Variants in IL1RAPL1 observed in about 807,000 individuals in gnomAD.
IL1RAPL1 encodes the protein interleukin 1 receptor accessory protein like 1.
In IL1RAPL1, 3 loss-of-function variants were observed where a neutral mutation model predicts 48.4. The ratio of observed to expected loss-of-function variants is 0.06; its 90% CI spans 0.03 to 0.16. The LOEUF is 0.16. Among genes scored for constraint, IL1RAPL1 ranks in the 10% least tolerant of loss-of-function variants. The probability of loss-of-function intolerance (pLI) is 1.00; values close to 1 mark genes in which losing one functional copy is unlikely to be tolerated. For missense variants in IL1RAPL1, 349 were observed against 530.6 expected, an observed-to-expected ratio of 0.66 and a Z score of 3.36; for synonymous variants, 185 against 187.7, an observed-to-expected ratio of 0.99 and a Z score of 0.12.
At chrX:29,712,916 T>C (rs1337788357) in intron 6 of IL1RAPL1, among the ~76,000 whole-genome samples, 1 of 111,995 alleles carries the variant, frequency 8.9e-6, no homozygotes, top group East Asian at 2.8e-4. Flanking sequence ...AGTTGTTATA[T>C]ATGGGACCAA....
chrX:29,823,832 T>A (rs986461856), intron 6 of IL1RAPL1, among the ~76,000 whole-genome samples: 5 of 111,885 alleles, frequency 4.5e-5, no homozygotes, highest in Admixed American at 2.8e-4. Flanking sequence ...TGCTGTTATT[T>A]AAGCTCCCTA....
intron 2 of IL1RAPL1, among the ~76,000 whole-genome samples, chrX:28,952,960 A>G (rs1168088929): frequency 8.9e-6 from 1 of 111,741 alleles, no homozygotes; most frequent in Admixed American, 9.6e-5. Context: ...TTACACATTA[A>G]TGAAAGTCCA....
chrX:29,319,516 TTGTATGTATGTATGTATGTA>T (rs752096218), intron 3 of IL1RAPL1, among the ~76,000 whole-genome samples: 2 of 91,178 alleles, frequency 2.2e-5, no homozygotes, highest in Non-Finnish European at 4.2e-5. Context: ...ATGTGATATT[TTGTATGTATGTATGTATGTA>T]TGTATGTATG....
At chrX:29,909,753 G>C (rs1001651049) in intron 6 of IL1RAPL1, among the ~76,000 whole-genome samples, 4 of 111,620 alleles carry the variant, frequency 3.6e-5, no homozygotes, top group African/African-American at 1.3e-4. Context: ...TGATTAAAAA[G>C]TCAAAACATA....
chrX:29,233,841 C>G (rs1407760091), intron 2 of IL1RAPL1, among the ~76,000 whole-genome samples: 5 of 112,663 alleles, frequency 4.4e-5, no homozygotes, highest in Admixed American at 9.4e-5. Context: ...GAACTGGGCT[C>G]TTCCTGAAGA....
In IL1RAPL1 at chrX:29,586,820, C is replaced by G. The variant is rs757051056; in HGVS notation, c.704-81610C>G. 6.3e-4 allele frequency among the ~76,000 whole-genome samples: 70 copies of G among 110,610 alleles called. 1 individual carries two copies. Among genetic ancestry groups the G allele is most frequent in the South Asian group, 3.0e-3 (8 of 2,646 alleles). ...GTAAATGGGATTATTTTATTAATTT[C>G]TTCTTTAGATATTTTGTTTGTTAGT... On this transcript the variant is annotated intron_variant, in intron 5 of 10. Coordinates refer to ENST00000378993, the MANE Select transcript of IL1RAPL1 (RefSeq NM_014271.4).
intron 2 of IL1RAPL1, among the ~76,000 whole-genome samples, chrX:29,023,394 G>T (rs1361411734): frequency 1.8e-5 from 2 of 112,311 alleles, no homozygotes; most frequent in Non-Finnish European, 3.8e-5. Flanking sequence ...AGCAAGACAG[G>T]CACTGACAAT....
intron 2 of IL1RAPL1, among the ~76,000 whole-genome samples, chrX:29,025,409 C>T (rs1490388821): frequency 9.0e-6 from 1 of 111,690 alleles, no homozygotes; most frequent in Non-Finnish European, 1.9e-5. Context: ...CCTAGCTTAG[C>T]CTGTGAATGT....
At chrX:29,922,489 T>C (rs899629844) in intron 8 of IL1RAPL1, among the ~76,000 whole-genome samples, 2 of 111,988 alleles carry the variant, frequency 1.8e-5, no homozygotes, top group Admixed American at 1.9e-4. Flanking sequence ...TATGCCTTCC[T>C]TTTAAGGGAG....
At chrX:29,140,373 C>T (rs914764655) in intron 2 of IL1RAPL1, among the ~76,000 whole-genome samples, 1 of 112,000 alleles carries the variant, frequency 8.9e-6, no homozygotes, top group African/African-American at 3.2e-5. Flanking sequence ...ATCTACGATA[C>T]AGATGATACC....
intron 6 of IL1RAPL1, among the ~76,000 whole-genome samples, chrX:29,696,789 C>T (rs1474760645): frequency 2.9e-5 from 3 of 104,380 alleles, no homozygotes; most frequent in African/African-American, 1.0e-4. Flanking sequence ...TAACAATCGC[C>T]TTTTTTTTTT....
chrX:28,628,833 C>G, intron 1 of IL1RAPL1, among the ~76,000 whole-genome samples: 1 of 112,022 alleles, frequency 8.9e-6, no homozygotes. Context: ...CAGTTCCTTA[C>G]GGTTGACGGG....
intron 8 of IL1RAPL1, among the ~76,000 whole-genome samples, chrX:29,925,713 A>C (rs1243403539): frequency 9.3e-6 from 1 of 108,076 alleles, no homozygotes; most frequent in African/African-American, 3.4e-5. Context: ...ATTTAAAAAA[A>C]AAAAATTGTA....
chrX:29,614,833 TAAG>T (rs977085338), intron 5 of IL1RAPL1, among the ~76,000 whole-genome samples: 4 of 111,647 alleles, frequency 3.6e-5, no homozygotes, highest in African/African-American at 1.3e-4. Context: ...AACATTTTCT[TAAG>T]AATATTCTTT....
At chrX:29,154,537 C>CA (rs1172822799) in intron 2 of IL1RAPL1, among the ~76,000 whole-genome samples, 5,792 of 94,946 alleles carry the variant, frequency 0.061, 148 homozygotes, top group Non-Finnish European at 0.081. Context: ...GAGACTGTCT[C>CA]AAAAAAAAAA....
chrX:28,975,092 A>G (rs775644286), intron 2 of IL1RAPL1, among the ~76,000 whole-genome samples: 2 of 112,247 alleles, frequency 1.8e-5, no homozygotes, highest in African/African-American at 6.5e-5. Flanking sequence ...AATTTTTAAT[A>G]CAAAGTCATC....
At chrX:29,860,290 T>G (rs1255670648) in intron 6 of IL1RAPL1, among the ~76,000 whole-genome samples, 2 of 112,141 alleles carry the variant, frequency 1.8e-5, no homozygotes, top group Non-Finnish European at 3.8e-5. Flanking sequence ...ACTATAATAC[T>G]CTAGTAGCAT....
intron 5 of IL1RAPL1, among the ~76,000 whole-genome samples, chrX:29,561,889 AG>A (rs1349993843): frequency 1.2e-4 from 13 of 111,730 alleles, no homozygotes; most frequent in African/African-American, 3.6e-4. Flanking sequence ...GGATTACATT[AG>A]AAAAGAACAA....
intron 2 of IL1RAPL1, among the ~76,000 whole-genome samples, chrX:29,068,845 G>A (rs1241405031): frequency 3.6e-5 from 4 of 111,988 alleles, no homozygotes; most frequent in Admixed American, 1.9e-4. Context: ...GAGTGACATG[G>A]TCAGTTAGGT....
Sources: gnomAD v4.1 joint callset for allele counts (sites outside exome capture counted in the v4.1 genomes callset) on GRCh38, gnomAD v4.1.1 for gene constraint, MANE v1.5 for transcripts, NCBI Gene and HGNC (gene_info 2026-07-23, HGNC 2026-07-21) for gene names.